Variants in STK3 observed in about 807,000 individuals in gnomAD.
The protein encoded by STK3 is serine/threonine-protein kinase 3.
STK3 carries 41 observed loss-of-function variants against 58.0 expected under a neutral mutation model. That is an observed-to-expected ratio of 0.71 (90% CI 0.55 to 0.92). STK3 has a LOEUF of 0.92. Ranked by LOEUF, STK3 falls within the 40% of genes least tolerant of loss-of-function variation. STK3 has a pLI of 0.00. For missense variants in STK3, 479 were observed against 602.7 expected (o/e 0.79, Z 2.15); for synonymous variants, 170 against 191.0 (o/e 0.89, Z 0.91).
chr8:98,698,313 A>C (rs1003148542), intron 6 of STK3, among the ~76,000 whole-genome samples: 1 of 151,560 alleles, frequency 6.6e-6, no homozygotes, highest in African/African-American at 2.4e-5. Context: ...TTGACTCTTT[A>C]TCCAATTTGC....
chr8:98,788,878 C>G (rs1335155209), intron 1 of STK3, among the ~76,000 whole-genome samples: 1 of 152,188 alleles, frequency 6.6e-6, no homozygotes, highest in Non-Finnish European at 1.5e-5. Flanking sequence ...AACAAAGAAA[C>G]AATGGATTTA....
intron 6 of STK3, among the ~76,000 whole-genome samples, chr8:98,608,316 A>G (rs1816925011): frequency 6.6e-6 from 1 of 152,174 alleles, no homozygotes. Flanking sequence ...GATTCATATA[A>G]ACAAAAGCTC....
intron 1 of STK3, among the ~76,000 whole-genome samples, chr8:98,941,526 C>A (rs1008739315): frequency 6.6e-6 from 1 of 152,248 alleles, no homozygotes; most frequent in Non-Finnish European, 1.5e-5. Context: ...ACATTGTATT[C>A]TTTAAAGATT....
chr8:98,940,694 C>T (rs1187058883), intron 1 of STK3, among the ~76,000 whole-genome samples: 1 of 152,180 alleles, frequency 6.6e-6, no homozygotes, highest in Non-Finnish European at 1.5e-5. Context: ...AGGTCCCCGG[C>T]CTTGGAATCT....
intron 6 of STK3, among the ~76,000 whole-genome samples, chr8:98,623,307 C>T (rs966853429): frequency 6.6e-6 from 1 of 152,008 alleles, no homozygotes; most frequent in Non-Finnish European, 1.5e-5. Context: ...GTGTCCTGTC[C>T]CCCCACCACC....
intron 1 of STK3, among the ~76,000 whole-genome samples, chr8:98,781,797 A>T (rs6989645): frequency 2.1e-3 from 292 of 141,080 alleles, no homozygotes; most frequent in African/African-American, 7.4e-3. Flanking sequence ...TCAAAAAAAT[A>T]AAAAAAAAAA....
chr8:98,353,424 G>A, the STK3 span, among the ~76,000 whole-genome samples: 2 of 152,214 alleles, frequency 1.3e-5, no homozygotes, highest in East Asian at 3.8e-4. Flanking sequence ...CAGGGATGTC[G>A]AGGCTGCAGT....
At chr8:98,656,120 T>C (rs1587188471) in intron 6 of STK3, among the ~76,000 whole-genome samples, 1 of 152,184 alleles carries the variant, frequency 6.6e-6, no homozygotes, top group African/African-American at 2.4e-5. Flanking sequence ...ATTAAGAAAA[T>C]GTGGCACATA....
intron 3 of STK3, chr8:98,413,555 A>T: frequency 1.5e-6 from 1 of 656,922 alleles, no homozygotes. Context: ...CATCTAGGTC[A>T]GAGACAGATG....
chr8:98,491,360 A>G (rs1008698547), intron 10 of STK3, among the ~76,000 whole-genome samples: 1 of 152,190 alleles, frequency 6.6e-6, no homozygotes, highest in Non-Finnish European at 1.5e-5. Flanking sequence ...CGATGAGTAT[A>G]AAAACATTTT....
chr8:98,467,797 A>G (rs190926165), intron 10 of STK3, among the ~76,000 whole-genome samples: 2 of 152,276 alleles, frequency 1.3e-5, no homozygotes, highest in Admixed American at 1.3e-4. Flanking sequence ...AAACAATAAT[A>G]AATACCATAG....
intron 1 of STK3, among the ~76,000 whole-genome samples, chr8:98,801,542 T>C (rs983650040): frequency 2.6e-5 from 4 of 151,652 alleles, no homozygotes; most frequent in African/African-American, 9.7e-5. Context: ...CCGGGAGGAA[T>C]GAACAACTCC....
At chr8:98,525,917 A>C (rs1271890581) in intron 10 of STK3, among the ~76,000 whole-genome samples, 1 of 151,888 alleles carries the variant, frequency 6.6e-6, no homozygotes, top group African/African-American at 2.4e-5. Flanking sequence ...TTTATCTAAA[A>C]TTGTATTTAC....
intron 10 of STK3, among the ~76,000 whole-genome samples, chr8:98,489,025 T>C (rs1822494687): frequency 6.6e-6 from 1 of 152,134 alleles, no homozygotes; most frequent in African/African-American, 2.4e-5. Flanking sequence ...ACCATGAAAC[T>C]GAGAGCCTCA....
chr8:98,743,186 C>T (rs1829359588), intron 4 of STK3, among the ~76,000 whole-genome samples: 1 of 151,508 alleles, frequency 6.6e-6, no homozygotes, highest in East Asian at 1.9e-4. Context: ...ATGCCATCCC[C>T]ATCAAGCTAC....
downstream of STK3, among the ~76,000 whole-genome samples, chr8:98,367,145 G>T (rs935568455): frequency 6.6e-6 from 1 of 152,202 alleles, no homozygotes; most frequent in African/African-American, 2.4e-5. Flanking sequence ...CCCTCTCAGG[G>T]TTGTTATAAG....
the STK3 span, among the ~76,000 whole-genome samples, chr8:98,363,443 A>G: frequency 1.3e-5 from 2 of 152,210 alleles, no homozygotes; most frequent in Non-Finnish European, 2.9e-5. Flanking sequence ...GTTCCGGTAC[A>G]GGCTCTGCCC....
chr8:98,893,244 C>T (rs1320066082), intron 1 of STK3, among the ~76,000 whole-genome samples: 1 of 151,616 alleles, frequency 6.6e-6, no homozygotes, highest in East Asian at 1.9e-4. Flanking sequence ...CAAAAATTAA[C>T]CAGGCATGGT....
chr8:98,595,203 C>A (rs942805027), intron 7 of STK3: 10 of 151,898 alleles, frequency 6.6e-5, no homozygotes, highest in Non-Finnish European at 1.0e-4. Context: ...CCAAGTTACA[C>A]TTTCATAACA....
Sources: gnomAD v4.1 joint callset for allele counts (sites outside exome capture counted in the v4.1 genomes callset) on GRCh38, gnomAD v4.1.1 for gene constraint, MANE v1.5 for transcripts, NCBI Gene and HGNC (gene_info 2026-07-23, HGNC 2026-07-21) for gene names.